The following PACRG variants were observed in gnomAD, a reference collection of about 807,000 sequenced individuals.
The protein encoded by PACRG is parkin coregulated gene protein.
In PACRG, 29 loss-of-function variants were observed where a neutral mutation model predicts 29.7. That is an observed-to-expected ratio of 0.98 (90% CI 0.73 to 1.33). The LOEUF is 1.33. PACRG is among the 40% of genes most tolerant of loss of function. The pLI is 0.00. For synonymous variants in PACRG, 116 were observed against 118.7 expected (o/e 0.98, Z 0.15); for missense variants, 279 against 316.2 (o/e 0.88, Z 0.89).
intron 4 of PACRG, among the ~76,000 whole-genome samples, chr6:163,253,297 CA>C (rs576001593): frequency 0.066 from 3,293 of 50,144 alleles, 56 homozygotes; most frequent in African/African-American, 0.18. Flanking sequence ...GAGACTGTCT[CA>C]AAAAAAAAAA....
At chr6:162,898,793 G>C (rs977766883) in intron 2 of PACRG, among the ~76,000 whole-genome samples, 3 of 152,152 alleles carry the variant, frequency 2.0e-5, no homozygotes, top group Admixed American at 6.5e-5. Context: ...CTTTATTGAT[G>C]CCTAAAGTAA....
intron 4 of PACRG, among the ~76,000 whole-genome samples, chr6:163,245,782 A>G (rs1232163376): frequency 6.6e-5 from 10 of 151,912 alleles, no homozygotes; most frequent in African/African-American, 2.4e-4. Context: ...GCTCAAGACA[A>G]CTCTTGACTC....
At chr6:163,201,095 T>G (rs1004173989) in intron 4 of PACRG, among the ~76,000 whole-genome samples, 5 of 152,208 alleles carry the variant, frequency 3.3e-5, no homozygotes, top group African/African-American at 1.2e-4. Flanking sequence ...ATTTCTTAAC[T>G]TGTAATGTGT....
chr6:162,728,536 G>A (rs1257649100), intron 1 of PACRG, 145 bp downstream of exon 1: 3 of 954,270 alleles, frequency 3.1e-6, no homozygotes, highest in African/African-American at 1.6e-5. Flanking sequence ...AGTAGCAAAC[G>A]GTGCCCCACA....
chr6:163,254,736 C>T (rs1223980212), intron 4 of PACRG, among the ~76,000 whole-genome samples: 1 of 152,206 alleles, frequency 6.6e-6, no homozygotes, highest in Non-Finnish European at 1.5e-5. Flanking sequence ...CCACTCTGCC[C>T]AGAAGGTGCC....
chr6:162,900,115 A>C (rs1432259566), intron 2 of PACRG, among the ~76,000 whole-genome samples: 1 of 152,038 alleles, frequency 6.6e-6, no homozygotes, highest in Non-Finnish European at 1.5e-5. Flanking sequence ...GTATCAGAGC[A>C]TGGTCAGGCC....
intron 2 of PACRG, among the ~76,000 whole-genome samples, chr6:162,916,080 A>C (rs2128086377): frequency 6.6e-6 from 1 of 152,280 alleles, no homozygotes; most frequent in African/African-American, 2.4e-5. Context: ...AGCAGGTATA[A>C]GATAATGAAT....
intron 2 of PACRG, among the ~76,000 whole-genome samples, chr6:162,938,927 G>A (rs1049907139): frequency 6.6e-6 from 1 of 152,072 alleles, no homozygotes; most frequent in Non-Finnish European, 1.5e-5. Flanking sequence ...TATAGATTGT[G>A]AGGATTTTCT....
chr6:163,016,922 A>G (rs1049539147), intron 2 of PACRG, among the ~76,000 whole-genome samples: 4 of 152,128 alleles, frequency 2.6e-5, no homozygotes, highest in African/African-American at 9.7e-5. Context: ...GCTTCATAAA[A>G]TTAGTAAGAT....
chr6:162,894,357 G>T (rs1795007522), intron 2 of PACRG, among the ~76,000 whole-genome samples: 1 of 152,156 alleles, frequency 6.6e-6, no homozygotes, highest in Non-Finnish European at 1.5e-5. Flanking sequence ...TTATAGTTTG[G>T]TTGCAAAAGT....
rs59166947 is a variant in PACRG, at chr6:163,071,759, A to G, written c.463+9438A>G. Among the ~76,000 whole-genome samples, 705 of 151,936 alleles carry G rather than the reference A, an allele frequency of 4.6e-3. 5 individuals are homozygous for G. Among genetic ancestry groups the G allele is most frequent in the African/African-American group, 0.016 (671 of 41,518 alleles). On this transcript the variant is annotated intron_variant, in intron 3 of 4. Transcript: ENST00000366888. Reference sequence around the variant, plus strand: ...GATAAAAAAGGAAACATTACAACTGATATCACTGAAATTCAAAGGATCATT... The same window carrying G: ...GATAAAAAAGGAAACATTACAACTGGTATCACTGAAATTCAAAGGATCATT...
chr6:163,299,773 G>A (rs1050496318), intron 4 of PACRG, among the ~76,000 whole-genome samples: 2 of 152,188 alleles, frequency 1.3e-5, no homozygotes, highest in African/African-American at 2.4e-5. Context: ...CAGCTACTCA[G>A]GAGGCTGAGC....
chr6:163,123,431 G>GT (rs2128325937), intron 4 of PACRG, among the ~76,000 whole-genome samples: 1 of 152,336 alleles, frequency 6.6e-6, no homozygotes, highest in East Asian at 1.9e-4. Flanking sequence ...AAAGGAAATG[G>GT]TTTGGGGGGT....
chr6:163,274,151 G>A (rs1161506308), intron 4 of PACRG, among the ~76,000 whole-genome samples: 2 of 151,968 alleles, frequency 1.3e-5, no homozygotes, highest in Non-Finnish European at 2.9e-5. Context: ...ATTTACATTA[G>A]GTAAATCTCC....
chr6:163,187,640 C>A (rs1014638806), intron 4 of PACRG: 2 of 152,302 alleles, frequency 1.3e-5, no homozygotes, highest in Admixed American at 6.5e-5. Context: ...CTACCTCACT[C>A]AGTGGGTTTC....
chr6:162,729,991 T>C (rs1219385137), intron 1 of PACRG, among the ~76,000 whole-genome samples: 1 of 152,072 alleles, frequency 6.6e-6, no homozygotes. Flanking sequence ...TCTCTTGCCA[T>C]TGGAAATCGT....
At chr6:163,083,288 G>A (rs1225357628) in intron 3 of PACRG, among the ~76,000 whole-genome samples, 1 of 152,096 alleles carries the variant, frequency 6.6e-6, no homozygotes, top group Non-Finnish European at 1.5e-5. Context: ...GCCTCCTTTG[G>A]AGAGGCTCAT....
At chr6:163,272,889 A>ATTATTTTTTTT (rs1301093605) in intron 4 of PACRG, among the ~76,000 whole-genome samples, 2 of 117,404 alleles carry the variant, frequency 1.7e-5, no homozygotes, top group Non-Finnish European at 3.6e-5. Flanking sequence ...ATGATGCATC[A>ATTATTTTTTTT]TTCTTTTTTT....
intron 1 of PACRG, among the ~76,000 whole-genome samples, chr6:162,804,873 G>C (rs1173743133): frequency 6.6e-6 from 1 of 152,132 alleles, no homozygotes; most frequent in Non-Finnish European, 1.5e-5. Flanking sequence ...TTCATGCGTT[G>C]TTAGGCAATT....
Sources: allele counts gnomAD v4.1 joint callset (sites outside exome capture counted in the v4.1 genomes callset), GRCh38; gene constraint gnomAD v4.1.1; transcripts MANE v1.5; gene names NCBI Gene and HGNC (gene_info 2026-07-23, HGNC 2026-07-21).